The following PTPRD variants were observed in gnomAD, a reference collection of about 807,000 sequenced individuals.
The protein encoded by PTPRD is receptor-type tyrosine-protein phosphatase delta.
PTPRD carries 34 observed loss-of-function variants against 214.5 expected under a neutral mutation model. The observed-to-expected ratio is 0.16, with a 90% CI of 0.12 to 0.21. The LOEUF is 0.21. PTPRD is among the 10% of genes least tolerant of loss of function. The pLI, the probability that PTPRD is intolerant of heterozygous loss-of-function variation, is 1.00. For synonymous variants in PTPRD, 1,128 were observed against 845.7 expected (o/e 1.33, Z -5.79); for missense variants, 2,545 against 2,398.7 (o/e 1.06, Z -1.27).
chr9:10,317,868 A>G (rs1781081386), intron 3 of PTPRD, among the ~76,000 whole-genome samples: 1 of 152,058 alleles, frequency 6.6e-6, no homozygotes, highest in Non-Finnish European at 1.5e-5. Context: ...ATGTATAATG[A>G]TGATTTTTAA....
At chr9:9,105,399 C>G (rs983901318) in intron 10 of PTPRD, among the ~76,000 whole-genome samples, 1 of 152,172 alleles carries the variant, frequency 6.6e-6, no homozygotes, top group Admixed American at 6.5e-5. Flanking sequence ...ACCTTTTCTT[C>G]AGTGATTCCT....
rs139159545 is a variant in PTPRD at position 10,130,811 on chromosome 9, T to C, written c.-544-97021A>G. 4.2e-3 allele frequency among the ~76,000 whole-genome samples: 642 copies of C among 152,168 alleles called. 3 individuals carry two copies. The highest frequency in any genetic ancestry group is 0.015 in the African/African-American group (612 of 41,532). On this transcript the variant is annotated intron_variant, in intron 3 of 45. Coordinates refer to ENST00000381196, the MANE Select transcript of PTPRD (RefSeq NM_002839.4). ...ATATGATCATTTCCTCAGAGCCAAATTGTACTTTACGTTAGGCAGAGGCAC... is the reference window on the plus strand; with the variant it reads ...ATATGATCATTTCCTCAGAGCCAAACTGTACTTTACGTTAGGCAGAGGCAC...
At chr9:10,094,428 T>A (rs1198239977) in intron 3 of PTPRD, among the ~76,000 whole-genome samples, 1 of 151,318 alleles carries the variant, frequency 6.6e-6, no homozygotes, top group Non-Finnish European at 1.5e-5. Context: ...TCCATGCTCC[T>A]TCTTTCCTAA....
At chr9:9,221,334 T>A (rs2099955856) in intron 9 of PTPRD, among the ~76,000 whole-genome samples, 1 of 152,108 alleles carries the variant, frequency 6.6e-6, no homozygotes. Context: ...CTTCCTAATT[T>A]GGTTAACTTT....
intron 8 of PTPRD, among the ~76,000 whole-genome samples, chr9:9,522,394 C>G (rs996214522): frequency 1.3e-5 from 2 of 152,090 alleles, no homozygotes; most frequent in African/African-American, 4.8e-5. Context: ...AGGGAACTAT[C>G]TGGACATAAT....
chr9:10,087,730 A>G (rs11999711), intron 3 of PTPRD, among the ~76,000 whole-genome samples: 2,813 of 151,880 alleles, frequency 0.019, 34 homozygotes, highest in African/African-American at 0.032. Context: ...ATAGAATATG[A>G]GTGCTTAATA....
At chr9:8,552,433 C>A (rs1418101075) in intron 14 of PTPRD, among the ~76,000 whole-genome samples, 1 of 152,134 alleles carries the variant, frequency 6.6e-6, no homozygotes, top group Non-Finnish European at 1.5e-5. Context: ...TCTCCCAGAG[C>A]ACTGTATAAA....
At position 9,580,547 on chromosome 9, in the gene PTPRD, C is replaced by CTTTTTTTTTT. The variant is rs1176394314; in HGVS notation, c.-286-5776_-286-5767dup. Among the ~76,000 whole-genome samples the CTTTTTTTTTT allele has an allele frequency of 8.1e-5, 10 of 123,088 alleles. 2 individuals carry two copies. Among genetic ancestry groups the CTTTTTTTTTT allele is most frequent in the Admixed American group, 8.5e-5 (1 of 11,774 alleles). The allele number at this position is 123,088 out of a possible 152,430, so 80.8% of individuals were successfully genotyped here. ...TCATGTCCTTAGCTTACTTTATTTT[C>CTTTTTTTTTT]TTTTTTTTTTTTTTTTTTTGAGACA... On this transcript the variant is annotated intron_variant, in intron 7 of 45. Coordinates refer to ENST00000381196, the MANE Select transcript of PTPRD (RefSeq NM_002839.4).
At chr9:9,177,788 T>C (rs1344842369) in intron 10 of PTPRD, among the ~76,000 whole-genome samples, 1 of 152,196 alleles carries the variant, frequency 6.6e-6, no homozygotes, top group Non-Finnish European at 1.5e-5. Flanking sequence ...AAAATGGCTT[T>C]GTACTTTAGT....
At chr9:10,312,484 A>C (rs565893286) in intron 3 of PTPRD, among the ~76,000 whole-genome samples, 1 of 151,958 alleles carries the variant, frequency 6.6e-6, no homozygotes, top group African/African-American at 2.4e-5. Context: ...CAATAGGAAA[A>C]CTCTAATAAG....
intron 10 of PTPRD, among the ~76,000 whole-genome samples, chr9:9,088,581 G>GAAAAAAAAAAAAAAAAAAAAAAAAAA (rs533619970): frequency 3.0e-5 from 1 of 33,032 alleles, no homozygotes. Flanking sequence ...CTTAGTCTCA[G>GAAAAAAAAAAAAAAAAAAAAAAAAAA]AAAAAAAAAA....
chr9:8,567,497 G>A (rs1461013366), intron 14 of PTPRD, among the ~76,000 whole-genome samples: 11 of 152,274 alleles, frequency 7.2e-5, no homozygotes, highest in Non-Finnish European at 1.2e-4. Flanking sequence ...GGGAAAGCAC[G>A]TCTTCTCACT....
At chr9:9,218,896 T>C (rs2133251066) in intron 9 of PTPRD, among the ~76,000 whole-genome samples, 1 of 152,250 alleles carries the variant, frequency 6.6e-6, no homozygotes, top group African/African-American at 2.4e-5. Flanking sequence ...TGTCTTGGTA[T>C]TCCTTAAATA....
At chr9:9,121,139 A>G (rs2099817208) in intron 10 of PTPRD, among the ~76,000 whole-genome samples, 1 of 152,212 alleles carries the variant, frequency 6.6e-6, no homozygotes, top group Non-Finnish European at 1.5e-5. Context: ...ACAGAACATA[A>G]GAAACATGGC....
chr9:8,471,005 T>A lies in PTPRD; in HGVS notation c.3494A>T (p.Glu1165Val), dbSNP rs2134935224. The change falls in exon 31 of 46, where the codon GAA becomes GTA. Residue 1165 changes from glutamate to valine, a missense_variant. Coordinates refer to ENST00000381196, the MANE Select transcript of PTPRD (RefSeq NM_002839.4). ...IKPWESPDEM[E>V]LDELLKEISR... ...CAATGACACAGTTACCTCATCTAAT[T>A]CCATTTCATCTGGACTCTCCCATGG... 1 of 1,612,718 alleles carries A rather than the reference T, an allele frequency of 6.2e-7. No individual in the cohort carries two copies. The highest frequency in any genetic ancestry group is 8.5e-7 in the Non-Finnish European group (1 of 1,178,894).
At chr9:9,869,580 A>T (rs533521150) in intron 5 of PTPRD, among the ~76,000 whole-genome samples, 1 of 152,248 alleles carries the variant, frequency 6.6e-6, no homozygotes, top group South Asian at 2.1e-4. Context: ...CAAGCATATA[A>T]TGCCACCAAT....
chr9:10,572,206 C>T (rs556305758), intron 2 of PTPRD, among the ~76,000 whole-genome samples: 1 of 152,256 alleles, frequency 6.6e-6, no homozygotes, highest in Admixed American at 6.5e-5. Context: ...ATCATTAACT[C>T]TTCCAGGCTT....
At chr9:8,344,452 AT>A (rs33929426) in intron 39 of PTPRD, among the ~76,000 whole-genome samples, 29 of 150,778 alleles carry the variant, frequency 1.9e-4, no homozygotes, top group African/African-American at 5.8e-4. Context: ...CATAATGGTG[AT>A]TTTTTTTTTC....
At chr9:9,267,575 A>C (rs1940568124) in intron 9 of PTPRD, among the ~76,000 whole-genome samples, 1 of 151,244 alleles carries the variant, frequency 6.6e-6, no homozygotes, top group Admixed American at 6.6e-5. Flanking sequence ...AGGACACTAC[A>C]AAGAAAGAAA....
Sources: allele counts gnomAD v4.1 joint callset (sites outside exome capture counted in the v4.1 genomes callset), GRCh38; gene constraint gnomAD v4.1.1; transcripts MANE v1.5; gene names NCBI Gene and HGNC (gene_info 2026-07-23, HGNC 2026-07-21).